Variants in CSMD1 observed in about 807,000 individuals in gnomAD.
The protein encoded by CSMD1 is CUB and Sushi multiple domains 1.
CSMD1 carries 213 observed loss-of-function variants against 417.5 expected under a neutral mutation model. The observed-to-expected ratio is 0.51, with a 90% CI of 0.46 to 0.57. The LOEUF (loss-of-function observed/expected upper bound fraction) is 0.57, where lower values mean the gene tolerates loss of function less well. Ranked by LOEUF, CSMD1 falls within the 20% of genes least tolerant of loss-of-function variation. The pLI, the probability that CSMD1 is intolerant of heterozygous loss-of-function variation, is 0.00. For missense variants in CSMD1, 6,923 were observed against 4,529.7 expected, an observed-to-expected ratio of 1.53 and a Z score of -15.17; for synonymous variants, 2,862 against 1,736.8, an observed-to-expected ratio of 1.65 and a Z score of -16.11.
chr8:3,794,251 T>C (rs538515999), intron 5 of CSMD1, among the ~76,000 whole-genome samples: 226 of 152,326 alleles, frequency 1.5e-3, no homozygotes, highest in Middle Eastern at 3.4e-3. Flanking sequence ...AGTTGAGATG[T>C]TGATGGCCTG....
At chr8:3,011,379 C>T (rs73502894) in intron 52 of CSMD1, among the ~76,000 whole-genome samples, 1,893 of 146,452 alleles carry the variant, frequency 0.013, 37 homozygotes, top group African/African-American at 0.049. Flanking sequence ...GTGATATAAG[C>T]ATTATCATAA....
At chr8:3,806,856 T>C (rs1394693933) in intron 5 of CSMD1, among the ~76,000 whole-genome samples, 1 of 152,204 alleles carries the variant, frequency 6.6e-6, no homozygotes, top group African/African-American at 2.4e-5. Flanking sequence ...AGACACAATG[T>C]AATCTAGTAA....
intron 2 of CSMD1, among the ~76,000 whole-genome samples, chr8:4,627,794 G>C (rs1802206079): frequency 6.6e-6 from 1 of 152,106 alleles, no homozygotes; most frequent in Admixed American, 6.6e-5. Context: ...AATGTAGGCA[G>C]ACATATGAAT....
At chr8:3,462,532 G>T (rs1300235747) in intron 12 of CSMD1, among the ~76,000 whole-genome samples, 1 of 152,142 alleles carries the variant, frequency 6.6e-6, no homozygotes, top group Admixed American at 6.5e-5. Flanking sequence ...CCCTTTATGA[G>T]AATCTAATAC....
chr8:3,053,479 A>G (rs1563285013), intron 49 of CSMD1, among the ~76,000 whole-genome samples: 1 of 152,154 alleles, frequency 6.6e-6, no homozygotes, highest in Non-Finnish European at 1.5e-5. Flanking sequence ...CTAAAGCCCC[A>G]GGAAGTTCTG....
At position 3,746,867 on chromosome 8, in the gene CSMD1, T is replaced by C. The variant is rs560142965; in HGVS notation, c.931+7063A>G. ...AGGTCAATAGGGTGGGGCTAAGAAA[T>C]TGTCATCACATGGCCAGCCCAAGAG... On this transcript the variant is annotated intron_variant, in intron 6 of 69. Coordinates refer to ENST00000635120, the MANE Select transcript of CSMD1 (RefSeq NM_033225.6). Among the ~76,000 whole-genome samples the C allele has an allele frequency of 1.5e-4, 23 of 152,254 alleles. No homozygotes were observed. In the South Asian group the frequency reaches 2.1e-3, roughly 14 times the overall value.
At chr8:3,498,927 T>C (rs894190050) in intron 10 of CSMD1, among the ~76,000 whole-genome samples, 2 of 152,228 alleles carry the variant, frequency 1.3e-5, no homozygotes, top group East Asian at 3.8e-4. Context: ...CTATTTTTAT[T>C]CTACTGATTC....
chr8:4,554,401 T>C (rs1798001635), intron 2 of CSMD1, among the ~76,000 whole-genome samples: 1 of 152,162 alleles, frequency 6.6e-6, no homozygotes, highest in Non-Finnish European at 1.5e-5. Flanking sequence ...CCTCCCAAAG[T>C]GCTACGATAA....
At chr8:4,348,963 A>G (rs1166341517) in intron 3 of CSMD1, among the ~76,000 whole-genome samples, 1 of 152,148 alleles carries the variant, frequency 6.6e-6, no homozygotes, top group Non-Finnish European at 1.5e-5. Context: ...ATACTCTTGA[A>G]TTGCACCATA....
At chr8:3,994,131 T>C (rs759012405) in intron 5 of CSMD1, among the ~76,000 whole-genome samples, 3 of 152,200 alleles carry the variant, frequency 2.0e-5, no homozygotes, top group Admixed American at 1.3e-4. Flanking sequence ...TAAGAATCGA[T>C]GCATTTATAT....
intron 26 of CSMD1, among the ~76,000 whole-genome samples, chr8:3,263,525 G>C (rs908904654): frequency 6.6e-6 from 1 of 152,088 alleles, no homozygotes; most frequent in East Asian, 1.9e-4. Context: ...AATATTACTG[G>C]TCTATAGTAA....
At chr8:3,759,962 T>A (rs926136612) in intron 5 of CSMD1, among the ~76,000 whole-genome samples, 1 of 149,312 alleles carries the variant, frequency 6.7e-6, no homozygotes. Context: ...GATCAACCAA[T>A]GTCTTCCCGC....
At chr8:4,382,726 G>A (rs570160905) in intron 3 of CSMD1, among the ~76,000 whole-genome samples, 2 of 150,224 alleles carry the variant, frequency 1.3e-5, no homozygotes, top group African/African-American at 4.8e-5. Flanking sequence ...TGTTTTTAAC[G>A]CTTTGCATTG....
At chr8:4,243,472 T>C (rs1171917800) in intron 3 of CSMD1, among the ~76,000 whole-genome samples, 3 of 152,184 alleles carry the variant, frequency 2.0e-5, no homozygotes, top group East Asian at 1.9e-4. Context: ...TTCTAGCCAG[T>C]ATGTCTACTC....
chr8:3,573,292 G>C (rs1474828867), intron 10 of CSMD1, among the ~76,000 whole-genome samples: 1 of 152,180 alleles, frequency 6.6e-6, no homozygotes, highest in Non-Finnish European at 1.5e-5. Context: ...GGTTCTTAAA[G>C]TGATGATTGC....
intron 38 of CSMD1, among the ~76,000 whole-genome samples, chr8:3,158,368 T>G (rs968478848): frequency 1.3e-5 from 2 of 152,088 alleles, no homozygotes; most frequent in African/African-American, 4.8e-5. Context: ...AAGGCCAAAA[T>G]GTCAGCAATA....
At position 3,087,248 on chromosome 8, in the gene CSMD1, C is replaced by A; in HGVS notation, c.7323G>T (p.Gly2441=). 1 of 1,613,944 alleles carries A rather than the reference C, an allele frequency of 6.2e-7. No homozygotes were observed. The highest frequency in any genetic ancestry group is 8.5e-7 in the Non-Finnish European group (1 of 1,179,872). ...CTCCTGCAGTCCTGTTTAGAATACC[C>A]CCATTCTTCAGGGGGTGGGTCAAAC... ...YCSLTHPLKN[G]GILNRTAGAV... Residue 2441 remains glycine, a synonymous_variant, in exon 49 of 70, where the codon GGG becomes GGT. Coordinates refer to ENST00000635120, the MANE Select transcript of CSMD1 (RefSeq NM_033225.6).
intron 6 of CSMD1, among the ~76,000 whole-genome samples, chr8:3,709,918 C>T (rs1278218683): frequency 3.6e-5 from 1 of 28,128 alleles, no homozygotes; most frequent in Non-Finnish European, 6.4e-5. Context: ...ATACAGGAGA[C>T]CCCTGAAGCA....
Position 3,399,487 on chromosome 8 carries a change from A to C in CSMD1, c.2309T>G (p.Leu770Trp), listed in dbSNP as rs896755203. 2 of 1,610,020 alleles carry C rather than the reference A, an allele frequency of 1.2e-6. No homozygotes were observed. The highest frequency in any genetic ancestry group is 2.7e-5 in the African/African-American group (2 of 74,876). ...GHLTASSGVI[L>W]PPGWPGYYKD... ...ATAATATCCTGGCCATCCAGGAGGC[A>C]AAATGACTCCGCTGGACGCTGTCAG... is the stretch of plus-strand genomic sequence containing the variant. Residue 770 changes from leucine (L) to tryptophan (W), a missense_variant, in exon 16 of 70, where the codon TTG becomes TGG. Transcript: ENST00000635120.
Sources: allele counts gnomAD v4.1 joint callset (sites outside exome capture counted in the v4.1 genomes callset), GRCh38; gene constraint gnomAD v4.1.1; transcripts MANE v1.5; gene names NCBI Gene and HGNC (gene_info 2026-07-23, HGNC 2026-07-21).